TAFA2: variants seen among roughly 807,000 people sequenced by gnomAD.
TAFA2 encodes the protein chemokine-like protein TAFA-2.
TAFA2 carries 7 observed loss-of-function variants against 18.8 expected under a neutral mutation model. The ratio of observed to expected loss-of-function variants is 0.37; its 90% CI spans 0.21 to 0.70. The LOEUF (loss-of-function observed/expected upper bound fraction) is 0.70. Ranked by LOEUF, TAFA2 falls within the 30% of genes least tolerant of loss-of-function variation. The pLI, the probability that TAFA2 is intolerant of heterozygous loss-of-function variation, is 0.53. For synonymous variants in TAFA2, 60 were observed against 54.2 expected (o/e 1.11, Z -0.47); for missense variants, 122 against 158.1 (o/e 0.77, Z 1.23).
At chr12:62,010,143 C>G (rs1880682489) in intron 1 of TAFA2, among the ~76,000 whole-genome samples, 1 of 151,482 alleles carries the variant, frequency 6.6e-6, no homozygotes, top group Admixed American at 6.6e-5. Context: ...TAGTCCCTCT[C>G]CCTCTCCCTC....
intron 1 of TAFA2, among the ~76,000 whole-genome samples, chr12:62,240,856 G>A (rs2136989596): frequency 6.6e-6 from 1 of 152,266 alleles, no homozygotes; most frequent in South Asian, 2.1e-4. Context: ...GATTCTCATA[G>A]TAGCATGAAC....
intron 1 of TAFA2, among the ~76,000 whole-genome samples, chr12:62,143,674 C>G (rs2062256426): frequency 6.6e-6 from 1 of 152,132 alleles, no homozygotes; most frequent in South Asian, 2.1e-4. Context: ...TCTGCCCACC[C>G]CCCACAACCT....
intron 2 of TAFA2, among the ~76,000 whole-genome samples, chr12:61,823,749 G>C (rs1430031210): frequency 6.6e-6 from 1 of 152,112 alleles, no homozygotes; most frequent in Non-Finnish European, 1.5e-5. Context: ...TATCCTATCA[G>C]TGAGAATTCA....
At chr12:61,759,533 C>T (rs1010154212) in intron 2 of TAFA2, among the ~76,000 whole-genome samples, 14 of 151,982 alleles carry the variant, frequency 9.2e-5, no homozygotes, top group African/African-American at 2.4e-4. Flanking sequence ...GACTCACCAC[C>T]GATCATGATG....
At chr12:61,924,113 T>C (rs577462146) in intron 1 of TAFA2, among the ~76,000 whole-genome samples, 16 of 151,858 alleles carry the variant, frequency 1.1e-4, no homozygotes, top group Admixed American at 7.9e-4. Flanking sequence ...CTACGTTTCA[T>C]TGGTGTACCT....
At chr12:61,987,849 T>C (rs745503505) in intron 1 of TAFA2, among the ~76,000 whole-genome samples, 3 of 152,196 alleles carry the variant, frequency 2.0e-5, no homozygotes, top group Non-Finnish European at 4.4e-5. Context: ...AAATCTACTG[T>C]TCTTGTAAAT....
At chr12:62,128,024 GA>G (rs1009077934) in intron 1 of TAFA2, among the ~76,000 whole-genome samples, 9 of 151,622 alleles carry the variant, frequency 5.9e-5, no homozygotes, top group Admixed American at 4.6e-4. Flanking sequence ...ATCAAGGCAA[GA>G]AAAAAAATGG....
At chr12:61,862,240 G>C (rs1235981595) in intron 2 of TAFA2, among the ~76,000 whole-genome samples, 1 of 152,114 alleles carries the variant, frequency 6.6e-6, no homozygotes, top group Admixed American at 6.5e-5. Context: ...TTCCAAGGGG[G>C]AAACACTGCT....
chr12:62,054,695 A>G (rs887683630), intron 1 of TAFA2, among the ~76,000 whole-genome samples: 2 of 152,226 alleles, frequency 1.3e-5, no homozygotes, highest in African/African-American at 4.8e-5. Flanking sequence ...GCTACTTTAC[A>G]TAAAACAATA....
At chr12:62,252,914 C>G (rs1015316900) in intron 1 of TAFA2, 1 of 152,296 alleles carries the variant, frequency 6.6e-6, no homozygotes, top group African/African-American at 2.4e-5. Context: ...AAAGGAAAAT[C>G]CATACCTGAA....
At chr12:62,240,900 T>C (rs536569377) in intron 1 of TAFA2, among the ~76,000 whole-genome samples, 1 of 152,268 alleles carries the variant, frequency 6.6e-6, no homozygotes, top group South Asian at 2.1e-4. Context: ...GGGATCTAAG[T>C]TGCATGCCCC....
chr12:62,232,597 T>C (rs557301580), intron 1 of TAFA2, among the ~76,000 whole-genome samples: 14 of 152,130 alleles, frequency 9.2e-5, no homozygotes, highest in Non-Finnish European at 2.1e-4. Context: ...CACTGCAACC[T>C]GTCCCCCAGG....
chr12:61,956,165 C>A (rs1390805009), intron 1 of TAFA2, among the ~76,000 whole-genome samples: 1 of 152,030 alleles, frequency 6.6e-6, no homozygotes, highest in Non-Finnish European at 1.5e-5. Flanking sequence ...CAAAAAACTC[C>A]ATTTTATTGC....
chr12:62,027,415 A>G (rs1881337976), intron 1 of TAFA2, among the ~76,000 whole-genome samples: 1 of 152,228 alleles, frequency 6.6e-6, no homozygotes, highest in East Asian at 1.9e-4. Flanking sequence ...TATTCTCAAA[A>G]GAAATCATAA....
intron 2 of TAFA2, among the ~76,000 whole-genome samples, chr12:61,812,962 C>A (rs1871935423): frequency 6.6e-6 from 1 of 151,424 alleles, no homozygotes; most frequent in African/African-American, 2.5e-5. Context: ...CTATTATCTC[C>A]TTCCCTAATT....
At chr12:61,807,543 G>C (rs548768874) in intron 2 of TAFA2, among the ~76,000 whole-genome samples, 7 of 151,348 alleles carry the variant, frequency 4.6e-5, no homozygotes, top group African/African-American at 1.7e-4. Context: ...TGTGAGATGA[G>C]GGCCACCATC....
intron 1 of TAFA2, among the ~76,000 whole-genome samples, chr12:61,938,246 A>T (rs1877854392): frequency 6.6e-6 from 1 of 151,758 alleles, no homozygotes; most frequent in Non-Finnish European, 1.5e-5. Context: ...AAAAAAAAAA[A>T]AAAAAGGGAA....
At chr12:61,998,670 C>T (rs1331216310) in intron 1 of TAFA2, among the ~76,000 whole-genome samples, 3 of 152,224 alleles carry the variant, frequency 2.0e-5, no homozygotes, top group African/African-American at 4.8e-5. Flanking sequence ...GCCATGAAGT[C>T]TGGCTCCATA....
chr12:61,939,024 C>T (rs981525937), intron 1 of TAFA2, among the ~76,000 whole-genome samples: 1 of 152,020 alleles, frequency 6.6e-6, no homozygotes, highest in African/African-American at 2.4e-5. Flanking sequence ...ATAATTCATC[C>T]ATGTAATCAA....
Sources: allele counts gnomAD v4.1 joint callset (sites outside exome capture counted in the v4.1 genomes callset), GRCh38; gene constraint gnomAD v4.1.1; transcripts MANE v1.5; gene names NCBI Gene and HGNC (gene_info 2026-07-23, HGNC 2026-07-21).